The following MYT1L variants were observed in gnomAD, a reference collection of about 807,000 sequenced individuals.
MYT1L encodes myelin transcription factor 1 like.
In MYT1L, 12 loss-of-function variants were observed where a neutral mutation model predicts 126.7. The observed-to-expected ratio is 0.09, with a 90% CI of 0.06 to 0.15. The LOEUF is 0.15. MYT1L is among the 10% of genes least tolerant of loss of function. The pLI, the probability that MYT1L is intolerant of heterozygous loss-of-function variation, is 1.00. For missense variants in MYT1L, 979 were observed against 1,585.2 expected (o/e 0.62, Z 6.49); for synonymous variants, 541 against 604.2 (o/e 0.90, Z 1.53).
chr2:1,850,485 G>A (rs2043125445), intron 19 of MYT1L, among the ~76,000 whole-genome samples: 1 of 152,016 alleles, frequency 6.6e-6, no homozygotes, highest in Admixed American at 6.6e-5. Context: ...ATTGGCTGTT[G>A]GTACATCTAA....
intron 14 of MYT1L, among the ~76,000 whole-genome samples, chr2:1,894,056 C>T (rs758654366): frequency 6.6e-6 from 1 of 152,254 alleles, no homozygotes; most frequent in Non-Finnish European, 1.5e-5. Context: ...GGCTCAAATC[C>T]GCACCCACAA....
At chr2:1,886,683 C>G in intron 17 of MYT1L, 76 bp from the exon 18 acceptor site, 1 of 1,051,136 alleles carries the variant, frequency 9.5e-7, no homozygotes, top group Non-Finnish European at 1.3e-6. Context: ...ACATAAAAAC[C>G]GAAATTAAAG....
chr2:1,943,444 T>A lies in MYT1L; in HGVS notation c.153-110A>T, dbSNP rs2056889181. The A allele has an allele frequency of 8.1e-7, 1 of 1,227,344 alleles. No individual in the cohort carries two copies. Among genetic ancestry groups the A allele is most frequent in the Non-Finnish European group, 1.1e-6 (1 of 911,178 alleles). The allele number at this position is 1,227,344 out of a possible 1,614,324, so 76.0% of individuals were successfully genotyped here. A position where few individuals can be genotyped will look rare whatever the true frequency, so the allele number is the denominator to read the frequency against. On this transcript the variant is annotated intron_variant, in intron 8 of 24. Transcript: ENST00000647738. The surrounding 1 kb of genome is among the most constrained non-coding windows in gnomAD (Gnocchi z 4.4). ...CTTGATCAAGGTACTTAAAGGCTTA[T>A]CATGAATGTCATCAGCACAAACACC... is the stretch of plus-strand genomic sequence containing the variant.
intron 18 of MYT1L, among the ~76,000 whole-genome samples, chr2:1,864,742 G>T (rs1252620761): frequency 6.6e-6 from 1 of 152,198 alleles, no homozygotes; most frequent in Admixed American, 6.5e-5. Flanking sequence ...ACAGAAGGAG[G>T]TGTGGGAGGT....
intron 18 of MYT1L, among the ~76,000 whole-genome samples, chr2:1,872,495 C>T (rs1375771499): frequency 6.6e-6 from 1 of 152,184 alleles, no homozygotes; most frequent in Non-Finnish European, 1.5e-5. Context: ...TGATGATTTT[C>T]AGCCTGATCT....
At chr2:1,994,301 G>A (rs1286309422) in intron 5 of MYT1L, among the ~76,000 whole-genome samples, 1 of 151,704 alleles carries the variant, frequency 6.6e-6, no homozygotes, top group African/African-American at 2.4e-5. Context: ...CCTCCTGGGG[G>A]GCTCAGCCCT....
Position 1,979,332 on chromosome 2 carries a change from AATC to A in MYT1L, c.90-108_90-106del. 2 of 1,164,694 alleles carry A rather than the reference AATC, an allele frequency of 1.7e-6. No homozygotes were observed. Among genetic ancestry groups the A allele is most frequent in the Non-Finnish European group, 2.5e-6 (2 of 791,854 alleles). 72.1% of individuals were successfully genotyped at this position (1,164,694 alleles called of 1,614,324 possible). A position where few individuals can be genotyped will look rare whatever the true frequency, so the allele number is the denominator to read the frequency against. ...GAGGGCGGCTCAGACAGAGGAGAGA[AATC>A]ACACAATCCAAAGGAGGGGGAAATT... On this transcript the variant is annotated intron_variant, in intron 7 of 24. Coordinates refer to ENST00000647738, the MANE Select transcript of MYT1L (RefSeq NM_001303052.2). This position sits in a 1 kb window ranked among gnomAD's most constrained non-coding sequence, Gnocchi z 4.0.
intron 21 of MYT1L, chr2:1,810,976 A>T (rs2036532937): frequency 6.6e-6 from 1 of 152,168 alleles, no homozygotes; most frequent in Admixed American, 6.5e-5. Flanking sequence ...TGTTAGGAGA[A>T]GGGGCGTATG....
chr2:1,828,251 G>A (rs2039639334), intron 21 of MYT1L: 1 of 152,036 alleles, frequency 6.6e-6, no homozygotes, highest in South Asian at 2.1e-4. Flanking sequence ...CAGCTTCCTG[G>A]TACTAGGTGA....
At chr2:1,904,941 C>T (rs1390052652) in intron 13 of MYT1L, among the ~76,000 whole-genome samples, 2 of 151,636 alleles carry the variant, frequency 1.3e-5, no homozygotes, top group Non-Finnish European at 2.9e-5. Context: ...CTACAGGCAC[C>T]TGCCACTGTG....
At chr2:2,000,970 T>G (rs540314719) in intron 4 of MYT1L, among the ~76,000 whole-genome samples, 1 of 152,298 alleles carries the variant, frequency 6.6e-6, no homozygotes, top group South Asian at 2.1e-4. Context: ...AAGCACGGGT[T>G]TTCTCTCTGA....
At chr2:2,192,582 G>C (rs1184689634) in intron 2 of MYT1L, among the ~76,000 whole-genome samples, 1 of 152,076 alleles carries the variant, frequency 6.6e-6, no homozygotes. Context: ...ATACTTAATT[G>C]TCATTCAGTG....
At chr2:1,984,505 ATTTTTTTTTTT>A (rs35510686) in intron 5 of MYT1L, among the ~76,000 whole-genome samples, 1 of 114,280 alleles carries the variant, frequency 8.8e-6, no homozygotes, top group Non-Finnish European at 1.7e-5. Flanking sequence ...CCAAGAACTA[ATTTTTTTTTTT>A]TTTTTTTTTT....
intron 2 of MYT1L, among the ~76,000 whole-genome samples, chr2:2,255,293 C>T (rs576273767): frequency 1.3e-5 from 2 of 152,306 alleles, no homozygotes; most frequent in South Asian, 4.1e-4. Context: ...AACACACACT[C>T]ATTACCCTTC....
chr2:2,231,594 T>G lies in MYT1L; in HGVS notation c.-421+52810A>C, dbSNP rs182228791. Among the ~76,000 whole-genome samples the G allele has an allele frequency of 5.4e-3, 822 of 152,004 alleles. 10 individuals carry two copies. The highest frequency in any genetic ancestry group is 0.019 in the African/African-American group (788 of 41,446). ...TCCCGAGTAGCTGGCACTACAGGCA[T>G]GCAACACCATGCCCAGATAATTTTT... On this transcript the variant is annotated intron_variant, in intron 2 of 24. Transcript: ENST00000647738.
intron 2 of MYT1L, among the ~76,000 whole-genome samples, chr2:2,264,007 A>G (rs2095058260): frequency 6.6e-6 from 1 of 152,176 alleles, no homozygotes; most frequent in African/African-American, 2.4e-5. Context: ...TGATAATAAT[A>G]CTGTAATAAT....
intron 18 of MYT1L, among the ~76,000 whole-genome samples, chr2:1,878,847 A>G (rs1431640693): frequency 1.3e-5 from 2 of 152,158 alleles, no homozygotes; most frequent in African/African-American, 4.8e-5. Flanking sequence ...TTCTCTTTGG[A>G]GGTAGACGAG....
intron 18 of MYT1L, among the ~76,000 whole-genome samples, chr2:1,879,874 T>C (rs919241576): frequency 6.6e-6 from 1 of 152,248 alleles, no homozygotes; most frequent in Non-Finnish European, 1.5e-5. Context: ...TTTGAAAGTA[T>C]GCAATACAAT....
intron 2 of MYT1L, among the ~76,000 whole-genome samples, chr2:2,259,409 TA>T (rs71402142): frequency 0.024 from 3,502 of 143,702 alleles, 153 homozygotes; most frequent in African/African-American, 0.062. Context: ...AAAAAAACAT[TA>T]AAAAAAAAAA....
Sources: gnomAD v4.1 joint callset for allele counts (sites outside exome capture counted in the v4.1 genomes callset) on GRCh38, gnomAD v4.1.1 for gene constraint, Gnocchi (gnomAD v3.1) non-coding constraint, MANE v1.5 for transcripts, NCBI Gene and HGNC (gene_info 2026-07-23, HGNC 2026-07-21) for gene names.